The following IFT88 variants were observed in gnomAD, a reference collection of about 807,000 sequenced individuals.
IFT88 encodes the protein intraflagellar transport protein 88 homolog.
In IFT88, 74 loss-of-function variants were observed where a neutral mutation model predicts 119.5. That is an observed-to-expected ratio of 0.62 (90% confidence interval 0.51 to 0.75). The LOEUF (loss-of-function observed/expected upper bound fraction) is 0.75. IFT88 is among the 30% of genes least tolerant of loss of function. IFT88 has a pLI of 0.00. For missense variants in IFT88, 961 were observed against 977.7 expected (o/e 0.98, Z 0.23); for synonymous variants, 279 against 316.7 (o/e 0.88, Z 1.26).
intron 14 of IFT88, among the ~76,000 whole-genome samples, chr13:20,620,524 C>T (rs1204406308): frequency 1.3e-5 from 2 of 152,106 alleles, no homozygotes; most frequent in Non-Finnish European, 2.9e-5. Flanking sequence ...ATTAGGAGGT[C>T]GTCCTTTTCA....
intron 1 of IFT88, among the ~76,000 whole-genome samples, chr13:20,569,492 G>A (rs985191741): frequency 1.3e-5 from 2 of 151,528 alleles, no homozygotes; most frequent in African/African-American, 4.9e-5. Context: ...AGAATGGCGT[G>A]AACTCGGGAG....
At chr13:20,619,666 T>C (rs1039871740) in intron 14 of IFT88, among the ~76,000 whole-genome samples, 2 of 152,018 alleles carry the variant, frequency 1.3e-5, no homozygotes, top group African/African-American at 4.8e-5. Flanking sequence ...TTGTAAATGC[T>C]CCTATCAATA....
chr13:20,649,376 T>A (rs2051237517), intron 20 of IFT88, among the ~76,000 whole-genome samples: 1 of 152,100 alleles, frequency 6.6e-6, no homozygotes, highest in African/African-American at 2.4e-5. Context: ...CACAAGTATG[T>A]GGAATTAAAG....
At chr13:20,618,861 CT>C (rs34629198) in intron 14 of IFT88, among the ~76,000 whole-genome samples, 115,298 of 128,626 alleles carry the variant, frequency 0.9, 51,560 homozygotes, top group East Asian at 0.99. Flanking sequence ...TTTTTTTTCC[CT>C]TTTTTTTTTT....
rs557899985 is a variant in IFT88 at position 20,672,307 on chromosome 13, C to A, written c.2242+1268C>A. Reference sequence around the variant, plus strand: ...AGTCAGTCCAGCGTCTCCAGCTAAACCTCATGGTGCTGGCCTGTTTATCTT... The same window carrying A: ...AGTCAGTCCAGCGTCTCCAGCTAAAACTCATGGTGCTGGCCTGTTTATCTT... On this transcript the variant is annotated intron_variant, in intron 24 of 25. Transcript: ENST00000351808. Among the ~76,000 whole-genome samples, 525 of 152,308 alleles carry A rather than the reference C, an allele frequency of 3.4e-3. 3 individuals carry two copies. The highest frequency in any genetic ancestry group is 0.01 in the Middle Eastern group (3 of 294).
intron 13 of IFT88, among the ~76,000 whole-genome samples, chr13:20,610,566 C>G (rs937076557): frequency 8.0e-5 from 12 of 150,212 alleles, no homozygotes; most frequent in Non-Finnish European, 1.5e-5. Context: ...TTAATGAAAT[C>G]TCTGATGTTA....
At chr13:20,664,939 C>T (rs574169632) in intron 23 of IFT88, among the ~76,000 whole-genome samples, 39 of 151,970 alleles carry the variant, frequency 2.6e-4, no homozygotes, top group Non-Finnish European at 5.2e-4. Context: ...ATTAGCCAGG[C>T]GTGGTGGAGG....
intron 16 of IFT88, among the ~76,000 whole-genome samples, chr13:20,632,733 T>C (rs1466280297): frequency 6.6e-6 from 1 of 152,270 alleles, no homozygotes; most frequent in African/African-American, 2.4e-5. Context: ...ATGGTTTATA[T>C]GTGATTCTTC....
intron 24 of IFT88, among the ~76,000 whole-genome samples, chr13:20,673,787 A>G (rs1005573841): frequency 2.6e-5 from 4 of 151,954 alleles, no homozygotes; most frequent in South Asian, 2.1e-4. Flanking sequence ...CTTCCAGTCC[A>G]TTTCAGTCCA....
intron 13 of IFT88, among the ~76,000 whole-genome samples, chr13:20,610,105 T>TTG (rs966155750): frequency 3.2e-4 from 1 of 3,150 alleles, no homozygotes; most frequent in African/African-American, 6.2e-4. Flanking sequence ...TTGACTGCTG[T>TTG]TTTTTTTTTT....
chr13:20,581,693 A>C (rs200046499), intron 2 of IFT88, among the ~76,000 whole-genome samples: 19 of 132,492 alleles, frequency 1.4e-4, no homozygotes, highest in African/African-American at 5.0e-4. Context: ...GTCTCTAAAA[A>C]AATACAAAAA....
intron 13 of IFT88, among the ~76,000 whole-genome samples, chr13:20,611,648 A>G (rs1366414874): frequency 6.6e-6 from 1 of 151,046 alleles, no homozygotes; most frequent in Non-Finnish European, 1.5e-5. Context: ...TCTGTTGCCC[A>G]GGCTGGAGTG....
At chr13:20,671,971 T>C (rs1292986720) in intron 24 of IFT88, among the ~76,000 whole-genome samples, 13 of 152,134 alleles carry the variant, frequency 8.5e-5, no homozygotes, top group Admixed American at 8.5e-4. Flanking sequence ...CCAAACACTG[T>C]GCTAAGAGCC....
chr13:20,606,034 A>T (rs1466459115), intron 13 of IFT88, among the ~76,000 whole-genome samples: 1 of 126,086 alleles, frequency 7.9e-6, no homozygotes, highest in East Asian at 2.4e-4. Context: ...CATGATTTTT[A>T]TCATTGGCCA....
At chr13:20,589,193 C>G (rs975929843) in intron 3 of IFT88, among the ~76,000 whole-genome samples, 3 of 152,096 alleles carry the variant, frequency 2.0e-5, no homozygotes, top group Non-Finnish European at 4.4e-5. Context: ...TTTAATAGTT[C>G]TTAATGAGAA....
chr13:20,607,899 G>A, intron 13 of IFT88: 5 of 695,168 alleles, frequency 7.2e-6, no homozygotes, highest in South Asian at 6.9e-5. Context: ...TGGGCATAAT[G>A]ACTGCCATCC....
chr13:20,631,395 C>G (rs2048182216), intron 16 of IFT88: 1 of 272,756 alleles, frequency 3.7e-6, no homozygotes, highest in East Asian at 7.1e-5. Context: ...ATTTCAACTC[C>G]TTTGTGTTAT....
intron 23 of IFT88, 44 bp from the exon 24 acceptor site, chr13:20,670,929 G>A (rs1364223996): frequency 3.9e-6 from 6 of 1,544,542 alleles, no homozygotes; most frequent in Admixed American, 1.7e-5. Flanking sequence ...CAACTTTGAA[G>A]GAATAGCACT....
intron 24 of IFT88, among the ~76,000 whole-genome samples, chr13:20,672,006 T>TG (rs940327454): frequency 6.6e-6 from 1 of 152,166 alleles, no homozygotes; most frequent in African/African-American, 2.4e-5. Context: ...AAATAAGACG[T>TG]GGTCCCCATG....
Sources: gnomAD v4.1 joint callset for allele counts (sites outside exome capture counted in the v4.1 genomes callset) on GRCh38, gnomAD v4.1.1 for gene constraint, MANE v1.5 for transcripts, NCBI Gene and HGNC (gene_info 2026-07-23, HGNC 2026-07-21) for gene names.